SHPRH: variants seen among roughly 807,000 people sequenced by gnomAD.
SHPRH encodes the protein E3 ubiquitin-protein ligase SHPRH.
SHPRH carries 106 observed loss-of-function variants against 202.5 expected under a neutral mutation model. The ratio of observed to expected loss-of-function variants is 0.52; its 90% CI spans 0.45 to 0.62. The LOEUF (loss-of-function observed/expected upper bound fraction) is 0.62, where lower values mean the gene tolerates loss of function less well. Ranked by LOEUF, SHPRH falls within the 20% of genes least tolerant of loss-of-function variation. The pLI is 0.00. For synonymous variants in SHPRH, 729 were observed against 686.0 expected, an observed-to-expected ratio of 1.06 and a Z score of -0.98; for missense variants, 1,710 against 2,020.0, an observed-to-expected ratio of 0.85 and a Z score of 2.94.
chr6:145,858,028 C>A, the SHPRH span, among the ~76,000 whole-genome samples: 1 of 151,998 alleles, frequency 6.6e-6, no homozygotes, highest in Non-Finnish European at 1.5e-5. Context: ...CCACTATAGC[C>A]CTAGTAGAAT....
intron 21 of SHPRH, 99 bp downstream of exon 21, chr6:145,921,068 G>A (rs1013822258): frequency 9.6e-7 from 1 of 1,046,592 alleles, no homozygotes; most frequent in Non-Finnish European, 1.4e-6. Context: ...AATCTCAAAA[G>A]AAGATTTTAA....
Position 145,954,983 on chromosome 6 carries a change from C to G in SHPRH, c.340G>C (p.Ala114Pro). The G allele has an allele frequency of 6.2e-7, 1 of 1,613,768 alleles. No individual in the cohort carries two copies. The highest frequency in any genetic ancestry group is 8.5e-7 in the Non-Finnish European group (1 of 1,179,898). Residue 114 changes from alanine (A) to proline (P), a missense_variant, in exon 2 of 30, where the codon GCA becomes CCA. Around this residue, in one of 8 missense-constraint regions of SHPRH, gnomAD observed 459 missense variants for 426.5 expected, o/e 1.08. Transcript: ENST00000275233. ...SPYHFDNSWK[A>P]FLGELTLQLL... ...TGAAGAGTTAATTCTCCTAGAAATG[C>G]TTTCCAGGAATTATCAAAATGATAG...
chr6:145,956,023 TGA>T (rs2128806952), intron 1 of SHPRH, among the ~76,000 whole-genome samples: 1 of 152,082 alleles, frequency 6.6e-6, no homozygotes, highest in South Asian at 2.1e-4. Context: ...ACACATTGTA[TGA>T]GATTACCAGC....
At chr6:145,911,294 G>A (rs190105921) in intron 24 of SHPRH, among the ~76,000 whole-genome samples, 82 of 151,974 alleles carry the variant, frequency 5.4e-4, no homozygotes, top group African/African-American at 1.8e-3. Flanking sequence ...CTGCTGCCAC[G>A]ACCAGCTAAT....
chr6:145,917,834 C>A, intron 23 of SHPRH: 1 of 224,374 alleles, frequency 4.5e-6, no homozygotes. Flanking sequence ...TGCATTATGC[C>A]AGTTTCACCG....
rs116994660 is a variant in SHPRH, at chr6:145,876,200, T to A, written c.222-11709A>T. ...GTCCTGGGCAACCACTAATGTAATT[T>A]CTGTCTCTAAAGATTTGCCTGTTCT... On this transcript the variant is annotated intron_variant, in intron 2 of 2. Transcript: ENST00000417762. 4.1e-3 allele frequency among the ~76,000 whole-genome samples: 631 copies of A among 152,288 alleles called. 17 individuals are homozygous for A. In the East Asian group the frequency reaches 0.071, roughly 17 times the overall value.
At chr6:145,913,608 T>A (rs1375945341) in intron 23 of SHPRH, 59 bp from the exon 24 acceptor site, 1 of 1,428,092 alleles carries the variant, frequency 7.0e-7, no homozygotes, top group Non-Finnish European at 9.6e-7. Context: ...AAACCTGATA[T>A]ATGTTTTGCA....
chr6:145,882,018 C>T (rs996557243), downstream of SHPRH, among the ~76,000 whole-genome samples: 1 of 151,576 alleles, frequency 6.6e-6, no homozygotes, highest in Non-Finnish European at 1.5e-5. Flanking sequence ...ATCACCTCAG[C>T]CTGAGAAGTT....
At chr6:145,874,219 A>AATAATC (rs1330972259) in intron 2 of SHPRH, among the ~76,000 whole-genome samples, 2 of 149,862 alleles carry the variant, frequency 1.3e-5, no homozygotes, top group Non-Finnish European at 3.0e-5. Context: ...AAATAATAAT[A>AATAATC]ATAATAATAA....
Position 145,918,195 on chromosome 6 carries a change from G to A in SHPRH, c.4190C>T (p.Ala1397Val). The A allele has an allele frequency of 6.2e-7, 1 of 1,600,008 alleles. No individual in the cohort carries two copies. Among genetic ancestry groups the A allele is most frequent in the Non-Finnish European group, 8.5e-7 (1 of 1,173,710 alleles). Residue 1397 changes from alanine (A) to valine (V), a missense_variant, in exon 23 of 30, where the codon GCT becomes GTT. Ala to Val is a moderately conservative substitution (Grantham distance 64). Around this residue, in one of 8 missense-constraint regions of SHPRH, gnomAD observed 306 missense variants for 479.5 expected, o/e 0.64. Coordinates refer to ENST00000275233, the MANE Select transcript of SHPRH (RefSeq NM_001042683.3). The stretch of plus-strand genomic sequence containing the variant: ...TTTCTGAAGCTGTGATGTAGCAACA[G>A]CTTTATCATTTAGTAGTTTTATTCG... ...QNRIKLLNDKAVATSQLQKKL... is the reference protein window; with the variant it reads ...QNRIKLLNDKVVATSQLQKKL...
In SHPRH at chr6:145,955,060, G is replaced by A. The variant is rs1222803808; in HGVS notation, c.263C>T (p.Thr88Ile). 1 of 1,613,172 alleles carries A rather than the reference G, an allele frequency of 6.2e-7. No individual in the cohort carries two copies. The highest frequency in any genetic ancestry group is 8.5e-7 in the Non-Finnish European group (1 of 1,179,916). Residue 88 changes from threonine (T) to isoleucine (I), a missense_variant, in exon 2 of 30, where the codon ACT (threonine) becomes ATT (isoleucine). By Grantham distance (89) the Thr-to-Ile change is moderately conservative. Coordinates refer to ENST00000275233, the MANE Select transcript of SHPRH (RefSeq NM_001042683.3). ...SFSKPIEKEE[T>I]VGIFSPLSVK... is the part of the protein sequence containing the mutation. The stretch of plus-strand genomic sequence containing the variant: ...AGACAAAGGGGAAAAAATACCAACA[G>A]TCTCTTCTTTTTCAATTGGTTTTGA...
chr6:145,948,224 A>G (rs755289354), intron 5 of SHPRH, 48 bp downstream of exon 5: 3 of 1,383,764 alleles, frequency 2.2e-6, no homozygotes, highest in South Asian at 1.4e-5. Flanking sequence ...ACAGTTTTTC[A>G]TTATATTTAT....
intron 29 of SHPRH, among the ~76,000 whole-genome samples, chr6:145,887,110 A>C (rs1371838859): frequency 1.3e-5 from 2 of 152,202 alleles, no homozygotes; most frequent in African/African-American, 4.8e-5. Context: ...GTTTCAAGAG[A>C]ATTTCAAACA....
In SHPRH at chr6:145,935,177, C is replaced by CAA; in HGVS notation, c.2734-15_2734-14insTT. The CAA allele has an allele frequency of 6.4e-7, 1 of 1,565,342 alleles. No individual in the cohort carries two copies. Among genetic ancestry groups the CAA allele is most frequent in the African/African-American group, 1.5e-5 (1 of 68,840 alleles). On this transcript the variant is annotated splice_polypyrimidine_tract_variant and intron_variant, in intron 12 of 29. Transcript: ENST00000275233. ...TGGTATTTGGATCTGTGAAAAGGAG[C>CAA]AGAAAAAAAAAAAAAGATATCATCT...
chr6:145,881,801 G>C (rs1399000309), downstream of SHPRH, among the ~76,000 whole-genome samples: 1 of 152,056 alleles, frequency 6.6e-6, no homozygotes, highest in Admixed American at 6.6e-5. Flanking sequence ...AGGAATAATG[G>C]AAGAAAGGAA....
intron 23 of SHPRH, among the ~76,000 whole-genome samples, chr6:145,916,356 G>A (rs534426352): frequency 6.6e-6 from 1 of 152,172 alleles, no homozygotes; most frequent in South Asian, 2.1e-4. Flanking sequence ...AGCATTTCCA[G>A]TTTTGGATTT....
At chr6:145,903,288 AGT>A (rs2128726383) in intron 25 of SHPRH, 2 of 152,018 alleles carry the variant, frequency 1.3e-5, no homozygotes, top group South Asian at 4.2e-4. Context: ...ATATTTTAAA[AGT>A]GTGAGACAGA....
At chr6:145,869,717 G>T (rs570260195) in intron 2 of SHPRH, among the ~76,000 whole-genome samples, 1 of 151,788 alleles carries the variant, frequency 6.6e-6, no homozygotes, top group East Asian at 1.9e-4. Context: ...ACACTGTCTT[G>T]ATTACTATAG....
chr6:145,921,162 T>C lies in SHPRH; in HGVS notation c.4008+5A>G. 3 of 1,610,208 alleles carry C rather than the reference T, an allele frequency of 1.9e-6. No homozygotes were observed. The highest frequency in any genetic ancestry group is 1.7e-6 in the Non-Finnish European group (2 of 1,177,702). On this transcript the variant is annotated splice_donor_5th_base_variant and intron_variant, in intron 21 of 29. Coordinates refer to ENST00000275233, the MANE Select transcript of SHPRH (RefSeq NM_001042683.3). ...ATTTTGGAAGGAAGTTTTAAAATAC[T>C]ATACCTTATATTCCTTCTTCCATGC...
Sources: gnomAD v4.1 joint callset for allele counts (sites outside exome capture counted in the v4.1 genomes callset) on GRCh38, gnomAD v4.1.1 for gene constraint, gnomAD v4.1.1 regional missense constraint, MANE v1.5 for transcripts, NCBI Gene and HGNC (gene_info 2026-07-23, HGNC 2026-07-21) for gene names.